Variants in PTPRG observed in about 807,000 individuals in gnomAD.
PTPRG encodes the protein protein tyrosine phosphatase receptor type G, also known as receptor-type tyrosine-protein phosphatase gamma.
PTPRG carries 102 observed loss-of-function variants against 165.3 expected under a neutral mutation model. That is an observed-to-expected ratio of 0.62 (90% CI 0.53 to 0.73). The LOEUF (loss-of-function observed/expected upper bound fraction) is 0.73. Ranked by LOEUF, PTPRG falls within the 30% of genes least tolerant of loss-of-function variation. The pLI is 0.00. For synonymous variants in PTPRG, 675 were observed against 669.5 expected (o/e 1.01, Z -0.13); for missense variants, 1,866 against 1,861.4 (o/e 1.00, Z -0.05).
intron 4 of PTPRG, among the ~76,000 whole-genome samples, chr3:62,017,417 G>T (rs1183502431): frequency 1.2e-5 from 1 of 81,572 alleles, no homozygotes; most frequent in Non-Finnish European, 2.4e-5. Flanking sequence ...CTCAGAAAAT[G>T]ATTTTTTTTT....
chr3:61,604,610 T>G (rs1700951613), intron 1 of PTPRG, among the ~76,000 whole-genome samples: 2 of 152,268 alleles, frequency 1.3e-5, no homozygotes, highest in African/African-American at 4.8e-5. Context: ...ATTTACCAAA[T>G]AAGGAATTTG....
chr3:61,928,860 G>T (rs531762367), intron 2 of PTPRG, among the ~76,000 whole-genome samples: 13 of 152,246 alleles, frequency 8.5e-5, no homozygotes, highest in Admixed American at 8.5e-4. Context: ...ACAGTTGATT[G>T]GAGTCATACA....
At position 61,641,503 on chromosome 3, in the gene PTPRG, C is replaced by T. The variant is rs527921862; in HGVS notation, c.85+79131C>T. On this transcript the variant is annotated intron_variant, in intron 1 of 29. Coordinates refer to ENST00000474889, the MANE Select transcript of PTPRG (RefSeq NM_002841.4). ...TTCTCCTTGCCTTCTCTCCATGCCA[C>T]CCATTTTACTGATATGTTTTTAAGG... is the stretch of plus-strand genomic sequence containing the variant. Among the ~76,000 whole-genome samples, 19 of 152,302 alleles carry T rather than the reference C, an allele frequency of 1.2e-4. No individual in the cohort carries two copies. The South Asian group carries it at 3.3e-3, about 27-fold the overall frequency.
chr3:62,052,132 C>A (rs1033444009), intron 4 of PTPRG, among the ~76,000 whole-genome samples: 5 of 152,170 alleles, frequency 3.3e-5, no homozygotes, highest in Non-Finnish European at 7.3e-5. Context: ...TATATGTCTT[C>A]TCTCATTAAC....
rs1008750657 is a variant in PTPRG, at chr3:62,273,850, G to A, written c.3465+6G>A. On this transcript the variant is annotated splice_donor_region_variant and intron_variant, in intron 23 of 29. Transcript: ENST00000474889. This position sits in a 1 kb window ranked among gnomAD's most constrained non-coding sequence, Gnocchi z 4.1. ...GACTGGAAAAGCAATTCAAGGTAGT[G>A]CTTTGAAAAAGTTTCTTTGGCATAA... 2.5e-6 allele frequency: 4 copies of A among 1,611,478 alleles called. No individual in the cohort carries two copies. Among genetic ancestry groups the A allele is most frequent in the Non-Finnish European group, 3.4e-6 (4 of 1,178,528 alleles).
chr3:61,829,130 G>T (rs1301242784), intron 2 of PTPRG, among the ~76,000 whole-genome samples: 1 of 152,170 alleles, frequency 6.6e-6, no homozygotes, highest in East Asian at 1.9e-4. Flanking sequence ...GGATATGAAG[G>T]AAGATACTCA....
chr3:62,130,882 T>C (rs559885402), intron 5 of PTPRG, among the ~76,000 whole-genome samples: 19 of 152,204 alleles, frequency 1.2e-4, no homozygotes, highest in Admixed American at 1.0e-3. Context: ...GGCACACTTA[T>C]GCCAACTCCC....
intron 8 of PTPRG, among the ~76,000 whole-genome samples, chr3:62,173,702 G>C (rs1005139901): frequency 2.0e-5 from 3 of 152,130 alleles, no homozygotes; most frequent in Non-Finnish European, 4.4e-5. Flanking sequence ...CACATCAGAG[G>C]GGTAACCAGA....
intron 2 of PTPRG, among the ~76,000 whole-genome samples, chr3:61,829,827 G>A (rs1216195987): frequency 6.6e-6 from 1 of 152,196 alleles, no homozygotes; most frequent in Non-Finnish European, 1.5e-5. Context: ...GTGTAACATG[G>A]TCCTGAACTT....
intron 5 of PTPRG, among the ~76,000 whole-genome samples, chr3:62,127,468 C>A (rs1034322423): frequency 6.6e-6 from 1 of 152,186 alleles, no homozygotes; most frequent in Non-Finnish European, 1.5e-5. Flanking sequence ...GTGGGTGAAT[C>A]CTCTTCTCTG....
chr3:62,127,715 A>G (rs1276994866), intron 5 of PTPRG, among the ~76,000 whole-genome samples: 1 of 152,204 alleles, frequency 6.6e-6, no homozygotes, highest in Non-Finnish European at 1.5e-5. Context: ...TGATAGAGCA[A>G]AAATTATTAG....
rs564772551 is a variant in PTPRG at position 61,662,518 on chromosome 3, T to TA, written c.86-86359dup. Among the ~76,000 whole-genome samples the TA allele has an allele frequency of 2.8e-4, 43 of 152,366 alleles. No individual in the cohort carries two copies. The South Asian group carries it at 8.1e-3, about 29-fold the overall frequency. ...AGAAGCAAGCCAACTAAACTGCTCT[T>TA]ACATCCATGCCCCACAGAGCCTATG... is the stretch of plus-strand genomic sequence containing the variant. On this transcript the variant is annotated intron_variant, in intron 1 of 29. Coordinates refer to ENST00000474889, the MANE Select transcript of PTPRG (RefSeq NM_002841.4).
rs796413784 is a variant in PTPRG, at chr3:61,641,362, G to A, written c.85+78990G>A. On this transcript the variant is annotated intron_variant, in intron 1 of 29. Coordinates refer to ENST00000474889, the MANE Select transcript of PTPRG (RefSeq NM_002841.4). ...TATTGGGGAACAAAGTGGAAATCTC[G>A]GGAGGGCAAGACGCCCAGCACATGG... Among the ~76,000 whole-genome samples, 15 of 152,300 alleles carry A rather than the reference G, an allele frequency of 9.8e-5. 1 individual carries two copies. Among genetic ancestry groups the A allele is most frequent in the African/African-American group, 3.1e-4 (13 of 41,560 alleles).
chr3:61,677,570 T>C (rs1703275830), intron 1 of PTPRG, among the ~76,000 whole-genome samples: 1 of 152,202 alleles, frequency 6.6e-6, no homozygotes, highest in Admixed American at 6.5e-5. Flanking sequence ...TTATAATGTG[T>C]GCATATAAAA....
At chr3:61,789,618 C>A (rs991620640) in intron 2 of PTPRG, among the ~76,000 whole-genome samples, 1 of 152,280 alleles carries the variant, frequency 6.6e-6, no homozygotes, top group African/African-American at 2.4e-5. Context: ...GCATTCAGTA[C>A]TTTATATGGA....
chr3:61,614,548 C>T (rs1426120309), intron 1 of PTPRG, among the ~76,000 whole-genome samples: 1 of 149,514 alleles, frequency 6.7e-6, no homozygotes, highest in Admixed American at 6.8e-5. Flanking sequence ...TAGTTGGGAC[C>T]ACAGGTGTGC....
chr3:62,276,061 T>C lies in PTPRG; in HGVS notation c.3559+95T>C, dbSNP rs1314020604. On this transcript the variant is annotated intron_variant, in intron 24 of 29. Transcript: ENST00000474889. The stretch of plus-strand genomic sequence containing the variant: ...TACTCTGATGCTATTGATAGCACCC[T>C]TCAATTGTACTGTACGTGGCCGTAT... The C allele has an allele frequency of 6.8e-6, 6 of 886,268 alleles. No individual in the cohort carries two copies. The African/African-American group carries it at 1.0e-4, about 15-fold the overall frequency. The allele number at this position is 886,268 out of a possible 1,614,324, so 54.9% of individuals were successfully genotyped here. A position where few individuals can be genotyped will look rare whatever the true frequency, so the allele number is the denominator to read the frequency against.
chr3:61,815,775 A>G (rs2035743859), intron 2 of PTPRG, among the ~76,000 whole-genome samples: 1 of 152,236 alleles, frequency 6.6e-6, no homozygotes. Context: ...ATATCTGTAA[A>G]GCACCTGTTA....
intron 4 of PTPRG, among the ~76,000 whole-genome samples, chr3:62,036,867 C>G (rs1370539602): frequency 6.6e-6 from 1 of 152,192 alleles, no homozygotes. Flanking sequence ...ACACTCCATT[C>G]CTCTTTGTTG....
Sources: allele counts gnomAD v4.1 joint callset (sites outside exome capture counted in the v4.1 genomes callset), GRCh38; gene constraint gnomAD v4.1.1; non-coding constraint Gnocchi (gnomAD v3.1); transcripts MANE v1.5; gene names NCBI Gene and HGNC (gene_info 2026-07-23, HGNC 2026-07-21).